Variants in EYS observed in about 807,000 individuals in gnomAD.
EYS encodes protein eyes shut homolog.
In EYS, 250 loss-of-function variants were observed where a neutral mutation model predicts 282.1. The ratio of observed to expected loss-of-function variants is 0.89; its 90% CI spans 0.80 to 0.98. EYS has a LOEUF of 0.98. Among genes scored for constraint, EYS ranks in the 50% least tolerant of loss-of-function variants. The pLI is 0.00. For synonymous variants in EYS, 1,355 were observed against 1,282.9 expected, an observed-to-expected ratio of 1.06 and a Z score of -1.20; for missense variants, 4,016 against 3,709.0, an observed-to-expected ratio of 1.08 and a Z score of -2.15.
At chr6:64,641,486 A>G (rs1385073130) in intron 22 of EYS, among the ~76,000 whole-genome samples, 1 of 152,216 alleles carries the variant, frequency 6.6e-6, no homozygotes, top group African/African-American at 2.4e-5. Flanking sequence ...TAAGAAGACC[A>G]AATCAATGAA....
chr6:64,060,477 T>C (rs1771127792), intron 33 of EYS, among the ~76,000 whole-genome samples: 1 of 152,118 alleles, frequency 6.6e-6, no homozygotes, highest in South Asian at 2.1e-4. Flanking sequence ...TTATAAGAAG[T>C]AGTCTATTTT....
At chr6:64,786,154 G>C (rs1410068192) in intron 22 of EYS, among the ~76,000 whole-genome samples, 1 of 149,196 alleles carries the variant, frequency 6.7e-6, no homozygotes, top group African/African-American at 2.4e-5. Flanking sequence ...ACTGAGCTTT[G>C]ACCTTTAGAC....
At chr6:64,287,853 C>T (rs546325704) in intron 30 of EYS, among the ~76,000 whole-genome samples, 1 of 152,256 alleles carries the variant, frequency 6.6e-6, no homozygotes, top group East Asian at 1.9e-4. Flanking sequence ...TGAAGTAACC[C>T]TATGGAGACA....
chr6:63,987,909 C>A (rs1337352082), intron 34 of EYS, among the ~76,000 whole-genome samples: 1 of 151,514 alleles, frequency 6.6e-6, no homozygotes, highest in Non-Finnish European at 1.5e-5. Context: ...CTAGGAAGAG[C>A]AAAGCATCTC....
chr6:63,896,321 G>A (rs1471134699), intron 35 of EYS, among the ~76,000 whole-genome samples: 1 of 152,110 alleles, frequency 6.6e-6, no homozygotes, highest in Non-Finnish European at 1.5e-5. Flanking sequence ...ACTTATTTAT[G>A]TGCCCCTCAG....
At chr6:65,300,882 C>A (rs1768801869) in intron 11 of EYS, 1 of 152,088 alleles carries the variant, frequency 6.6e-6, no homozygotes, top group South Asian at 2.1e-4. Context: ...TTAATTTCTC[C>A]TCTGTAGTAT....
intron 31 of EYS, among the ~76,000 whole-genome samples, chr6:64,182,047 A>AT (rs1454530295): frequency 6.6e-6 from 1 of 152,166 alleles, no homozygotes; most frequent in Non-Finnish European, 1.5e-5. Flanking sequence ...TTAAATATTC[A>AT]TTTTCACTAA....
chr6:64,018,777 T>G (rs1042408261), intron 33 of EYS, among the ~76,000 whole-genome samples: 7 of 132,764 alleles, frequency 5.3e-5, no homozygotes, highest in African/African-American at 1.4e-4. Flanking sequence ...TTTTTTTTTT[T>G]TTTTTTTTTT....
At chr6:65,258,057 C>G (rs950966458) in intron 12 of EYS, among the ~76,000 whole-genome samples, 2 of 151,996 alleles carry the variant, frequency 1.3e-5, no homozygotes, top group African/African-American at 2.4e-5. Flanking sequence ...TCCCTTTACT[C>G]TGTTGTGACT....
intron 31 of EYS, among the ~76,000 whole-genome samples, chr6:64,092,597 T>C (rs924956525): frequency 2.0e-5 from 3 of 152,158 alleles, no homozygotes; most frequent in Non-Finnish European, 2.9e-5. Context: ...TTTGATGGGG[T>C]TCTTTGTTTT....
intron 31 of EYS, among the ~76,000 whole-genome samples, chr6:64,115,669 C>G (rs1421088580): frequency 6.6e-6 from 1 of 152,178 alleles, no homozygotes; most frequent in Non-Finnish European, 1.5e-5. Context: ...CTGGTGTCCT[C>G]ACATCCACCC....
chr6:64,908,819 G>A lies in EYS; in HGVS notation c.2641+3665C>T, dbSNP rs919731543. On this transcript the variant is annotated intron_variant, in intron 16 of 42. Transcript: ENST00000503581. The stretch of plus-strand genomic sequence containing the variant: ...AAAGTGAAGACAAGACTCAAAGGTG[G>A]GTACAACAGTGTGGAAAACCAATTA... 2.0e-5 allele frequency among the ~76,000 whole-genome samples: 3 copies of A among 152,004 alleles called. No individual in the cohort carries two copies. The South Asian group carries it at 6.2e-4, about 32-fold the overall frequency.
At chr6:64,826,264 G>C (rs1414461208) in intron 19 of EYS, among the ~76,000 whole-genome samples, 4 of 151,900 alleles carry the variant, frequency 2.6e-5, no homozygotes, top group Non-Finnish European at 4.4e-5. Flanking sequence ...TTTGACAAAA[G>C]AAGAACCATG....
At position 64,487,531 on chromosome 6, in the gene EYS, C is replaced by A. The variant is rs545413482; in HGVS notation, c.5645-48179G>T. ...TATTAAAATATTGCTTATGTCCTAACAAAATTATCAGTGAAGTGTCAATAT... is the reference window on the plus strand; with the variant it reads ...TATTAAAATATTGCTTATGTCCTAAAAAAATTATCAGTGAAGTGTCAATAT... On this transcript the variant is annotated intron_variant, in intron 26 of 42. Transcript: ENST00000503581. 6.6e-5 allele frequency among the ~76,000 whole-genome samples: 10 copies of A among 150,818 alleles called. No individual in the cohort carries two copies. The South Asian group carries it at 2.1e-3, about 31-fold the overall frequency.
intron 36 of EYS, among the ~76,000 whole-genome samples, chr6:63,861,104 C>A (rs1347242172): frequency 6.6e-6 from 1 of 152,156 alleles, no homozygotes; most frequent in African/African-American, 2.4e-5. Context: ...CTTTGGATGT[C>A]TAACTGGCAT....
At chr6:65,213,344 C>T (rs572689773) in intron 12 of EYS, among the ~76,000 whole-genome samples, 2 of 152,032 alleles carry the variant, frequency 1.3e-5, no homozygotes, top group Admixed American at 6.6e-5. Context: ...TTGAGAAAAA[C>T]GTTCCTTTGT....
intron 12 of EYS, among the ~76,000 whole-genome samples, chr6:65,274,424 G>T (rs964010754): frequency 3.9e-5 from 6 of 152,160 alleles, no homozygotes; most frequent in Non-Finnish European, 5.9e-5. Context: ...AATTGCAGCT[G>T]CTGTACAAGA....
At chr6:64,860,417 G>A (rs1047778677) in intron 19 of EYS, among the ~76,000 whole-genome samples, 3 of 152,242 alleles carry the variant, frequency 2.0e-5, no homozygotes, top group African/African-American at 7.2e-5. Context: ...ACTGCACACA[G>A]CCAGGCACAC....
At chr6:64,740,195 A>C (rs981719100) in intron 22 of EYS, among the ~76,000 whole-genome samples, 1 of 152,108 alleles carries the variant, frequency 6.6e-6, no homozygotes, top group African/African-American at 2.4e-5. Flanking sequence ...AATCACAATA[A>C]ATTTACATAA....
Sources: gnomAD v4.1 joint callset for allele counts (sites outside exome capture counted in the v4.1 genomes callset) on GRCh38, gnomAD v4.1.1 for gene constraint, MANE v1.5 for transcripts, NCBI Gene and HGNC (gene_info 2026-07-23, HGNC 2026-07-21) for gene names.